CCDC18: variants seen among roughly 807,000 people sequenced by gnomAD.
CCDC18 encodes coiled-coil domain containing 18, also known as coiled-coil domain-containing protein 18.
A neutral mutation model predicts 196.0 loss-of-function variants in CCDC18; 157 were observed. The ratio of observed to expected loss-of-function variants is 0.80; its 90% CI spans 0.70 to 0.91. CCDC18 has a LOEUF of 0.91. CCDC18 is among the 40% of genes least tolerant of loss of function. CCDC18 has a pLI of 0.00. For synonymous variants in CCDC18, 482 were observed against 529.2 expected, an observed-to-expected ratio of 0.91 and a Z score of 1.22; for missense variants, 1,465 against 1,611.6, an observed-to-expected ratio of 0.91 and a Z score of 1.56.
At chr1:93,216,509 G>A in intron 12 of CCDC18, 127 bp from the exon 13 acceptor site, 1 of 494,122 alleles carries the variant, frequency 2.0e-6, no homozygotes, top group South Asian at 3.4e-5. Context: ...GTTTATAACT[G>A]TAAGTTTGCC....
In CCDC18 at chr1:93,227,969, A is replaced by ATATATAT. The variant is rs1199036758; in HGVS notation, c.2292+1520_2292+1521insTATATAT. Among the ~76,000 whole-genome samples, 664 of 101,114 alleles carry ATATATAT rather than the reference A, an allele frequency of 6.6e-3. 5 individuals carry two copies. The highest frequency in any genetic ancestry group is 0.032 in the African/African-American group (620 of 19,242). The allele number at this position is 101,114 out of a possible 152,430, so 66.3% of individuals were successfully genotyped here. A position where few individuals can be genotyped will look rare whatever the true frequency, so the allele number is the denominator to read the frequency against. ...CGAGACCCTATCTCAAAAAAAAAAA[A>ATATATAT]AAATATATATATATATATATTTATT... is the stretch of plus-strand genomic sequence containing the variant. On this transcript the variant is annotated intron_variant, in intron 17 of 28. Transcript: ENST00000690025.
In CCDC18 at chr1:93,239,245, T is replaced by A. The variant is rs1013960275; in HGVS notation, c.2604-65T>A. 1.0e-5 allele frequency: 12 copies of A among 1,201,876 alleles called. No homozygotes were observed. The African/African-American group carries it at 1.6e-4, about 16-fold the overall frequency. The allele number at this position is 1,201,876 out of a possible 1,614,324, so 74.5% of individuals were successfully genotyped here. On this transcript the variant is annotated intron_variant, in intron 19 of 28. Transcript: ENST00000690025. ...TTATATAACTTGCAGGCTTTTTTTTTAGTCAGAGACAAGTTAGTTGGTTAA... is the reference window on the plus strand; with the variant it reads ...TTATATAACTTGCAGGCTTTTTTTTAAGTCAGAGACAAGTTAGTTGGTTAA...
chr1:93,188,915 A>G (rs1395671345), intron 4 of CCDC18, among the ~76,000 whole-genome samples: 2 of 152,220 alleles, frequency 1.3e-5, no homozygotes, highest in South Asian at 2.1e-4. Flanking sequence ...ATGCAGCATA[A>G]TAATCGCATC....
At chr1:93,184,199 C>A in intron 3 of CCDC18, 53 bp downstream of exon 3, 1 of 1,078,182 alleles carries the variant, frequency 9.3e-7, no homozygotes, top group Admixed American at 3.6e-5. Flanking sequence ...TTAGGCCTGT[C>A]TACTTAAAAA....
Position 93,236,270 on chromosome 1 carries a change from T to C in CCDC18, c.2483T>C (p.Leu828Pro). 1 of 1,576,562 alleles carries C rather than the reference T, an allele frequency of 6.3e-7. No homozygotes were observed. The highest frequency in any genetic ancestry group is 8.6e-7 in the Non-Finnish European group (1 of 1,169,352). ...EKQVSKLEQE[L>P]QKQRESSAEK... is the part of the protein sequence containing the mutation. ...AAGGTGTCAAAACTGGAACAAGAAC[T>C]TCAAAAACAAAGGGAAAGTTCAGCT... The change falls in exon 19 of 29, where the codon CTT becomes CCT. Residue 828 changes from leucine to proline, a missense_variant. By Grantham distance (98) the Leu-to-Pro change is moderately conservative. Transcript: ENST00000690025.
At chr1:93,198,622 A>G (rs1426712278) in intron 6 of CCDC18, among the ~76,000 whole-genome samples, 1 of 152,186 alleles carries the variant, frequency 6.6e-6, no homozygotes, top group Admixed American at 6.5e-5. Flanking sequence ...AAACTATAAG[A>G]AAAAATCTAC....
intron 3 of CCDC18, among the ~76,000 whole-genome samples, chr1:93,185,557 C>T (rs1650507543): frequency 6.6e-6 from 1 of 151,438 alleles, no homozygotes; most frequent in Admixed American, 6.6e-5. Context: ...GAGAGATTGC[C>T]AGTGTATATT....
At chr1:93,201,767 C>A in intron 6 of CCDC18, 125 bp from the exon 7 acceptor site, 1 of 547,394 alleles carries the variant, frequency 1.8e-6, no homozygotes, top group Non-Finnish European at 3.1e-6. Flanking sequence ...CCTAATACTC[C>A]TTTTTAGTGC....
chr1:93,217,692 G>C (rs747318769), intron 13 of CCDC18, 46 bp from the exon 14 acceptor site: 1 of 1,520,248 alleles, frequency 6.6e-7, no homozygotes, highest in African/African-American at 1.4e-5. Flanking sequence ...GCCTGCCTTG[G>C]CCTCCCAAAT....
intron 21 of CCDC18, among the ~76,000 whole-genome samples, chr1:93,242,508 C>T (rs1570534828): frequency 6.6e-6 from 1 of 152,314 alleles, no homozygotes. Context: ...CACAGCCAAA[C>T]TGTATCATTC....
chr1:93,190,689 T>A, intron 4 of CCDC18: 3 of 364,356 alleles, frequency 8.2e-6, no homozygotes, highest in Non-Finnish European at 1.0e-5. Context: ...TTTTTTTTTT[T>A]AACATAAACT....
At chr1:93,246,782 C>A in intron 22 of CCDC18, 56 bp from the exon 23 acceptor site, 1 of 794,310 alleles carries the variant, frequency 1.3e-6, no homozygotes, top group Non-Finnish European at 2.2e-6. Context: ...CTATTCTAAG[C>A]ATACAAGTTT....
intron 11 of CCDC18, among the ~76,000 whole-genome samples, chr1:93,214,364 C>T (rs1238867354): frequency 6.6e-6 from 1 of 152,108 alleles, no homozygotes; most frequent in Non-Finnish European, 1.5e-5. Flanking sequence ...TTAATGATCT[C>T]AAACTGTCCA....
At position 93,183,549 on chromosome 1, in the gene CCDC18, A is replaced by G; in HGVS notation, c.134+54A>G. On this transcript the variant is annotated intron_variant, in intron 2 of 28. Coordinates refer to ENST00000690025, the MANE Select transcript of CCDC18 (RefSeq NM_001378204.1). ...CACTGTGCCTTAAATACATCAATGT[A>G]AAATGTGTGGATTTCATTATGATGT... 7 of 1,247,826 alleles carry G rather than the reference A, an allele frequency of 5.6e-6. No homozygotes were observed. In the South Asian group the frequency reaches 1.1e-4, roughly 20 times the overall value. 77.3% of individuals were successfully genotyped at this position (1,247,826 alleles called of 1,614,324 possible).
chr1:93,247,177 C>T (rs1387144210), intron 23 of CCDC18, among the ~76,000 whole-genome samples: 8 of 151,980 alleles, frequency 5.3e-5, no homozygotes, highest in South Asian at 2.1e-4. Context: ...CCTCCTGCCT[C>T]GGTCTCCCCA....
intron 8 of CCDC18, among the ~76,000 whole-genome samples, chr1:93,206,456 C>T (rs993322711): frequency 7.9e-5 from 12 of 151,944 alleles, no homozygotes; most frequent in Non-Finnish European, 1.3e-4. Flanking sequence ...TTTCTTAAGT[C>T]GTTATTTTCA....
At chr1:93,241,457 C>G (rs1399417886) in intron 21 of CCDC18, among the ~76,000 whole-genome samples, 26 of 151,990 alleles carry the variant, frequency 1.7e-4, no homozygotes, top group Non-Finnish European at 3.5e-4. Context: ...GGCGCGGTGG[C>G]TCACGCCTGT....
intron 26 of CCDC18, among the ~76,000 whole-genome samples, chr1:93,259,569 G>A (rs1442152051): frequency 6.6e-6 from 1 of 152,146 alleles, no homozygotes; most frequent in Non-Finnish European, 1.5e-5. Context: ...CCATTCAAGG[G>A]AGTTTGGTGA....
chr1:93,183,286 T>C (rs1032043754), intron 1 of CCDC18, 74 bp from the exon 2 acceptor site: 1 of 1,054,806 alleles, frequency 9.5e-7, no homozygotes, highest in African/African-American at 1.6e-5. Context: ...AGTTAAATTC[T>C]ATTCATGTGA....
Sources: gnomAD v4.1 joint callset for allele counts (sites outside exome capture counted in the v4.1 genomes callset) on GRCh38, gnomAD v4.1.1 for gene constraint, MANE v1.5 for transcripts, NCBI Gene and HGNC (gene_info 2026-07-23, HGNC 2026-07-21) for gene names.